The following AGBL4 variants were observed in gnomAD, a reference collection of about 807,000 sequenced individuals.
AGBL4 encodes cytosolic carboxypeptidase 6.
Under a neutral mutation model 66.4 loss-of-function variants are expected in AGBL4, and 58 were observed. The ratio of observed to expected loss-of-function variants is 0.87; its 90% CI spans 0.71 to 1.09. AGBL4 has a LOEUF of 1.09. AGBL4 is among the 50% of genes least tolerant of loss of function. The pLI is 0.00. For synonymous variants in AGBL4, 234 were observed against 222.9 expected (o/e 1.05, Z -0.44); for missense variants, 579 against 631.0 (o/e 0.92, Z 0.88).
chr1:48,575,268 T>C (rs1644633747), intron 11 of AGBL4, among the ~76,000 whole-genome samples: 2 of 152,110 alleles, frequency 1.3e-5, no homozygotes, highest in African/African-American at 4.8e-5. Flanking sequence ...TCTGACAAAC[T>C]GGATCTGGGC....
intron 3 of AGBL4, among the ~76,000 whole-genome samples, chr1:49,429,155 C>T (rs552930330): frequency 1.3e-5 from 2 of 152,180 alleles, no homozygotes; most frequent in Admixed American, 6.5e-5. Flanking sequence ...AGAGACCAAA[C>T]TGTTCCTTTA....
At chr1:48,881,371 T>G (rs1044848021) in intron 5 of AGBL4, among the ~76,000 whole-genome samples, 45 of 152,318 alleles carry the variant, frequency 3.0e-4, no homozygotes, top group Middle Eastern at 3.4e-3. Context: ...GTTAATTCAT[T>G]ATAGCTCACA....
chr1:49,696,269 T>C (rs1646982177), intron 3 of AGBL4, among the ~76,000 whole-genome samples: 1 of 152,144 alleles, frequency 6.6e-6, no homozygotes, highest in Admixed American at 6.6e-5. Flanking sequence ...TGAGTTTTAT[T>C]AATGTTTATT....
intron 4 of AGBL4, among the ~76,000 whole-genome samples, chr1:49,169,075 G>C (rs925883746): frequency 6.6e-6 from 1 of 152,092 alleles, no homozygotes; most frequent in African/African-American, 2.4e-5. Context: ...TCTCACTCTT[G>C]GTGCCCTGAG....
intron 4 of AGBL4, among the ~76,000 whole-genome samples, chr1:49,099,710 A>C (rs981936467): frequency 5.3e-5 from 8 of 152,144 alleles, no homozygotes; most frequent in African/African-American, 1.9e-4. Flanking sequence ...CTTCAGAGCA[A>C]AAGTGGGTCT....
At chr1:48,806,873 A>T (rs186623379) in intron 6 of AGBL4, among the ~76,000 whole-genome samples, 3 of 152,308 alleles carry the variant, frequency 2.0e-5, no homozygotes, top group African/African-American at 7.2e-5. Flanking sequence ...GAGGGTTACC[A>T]TATGAACTAT....
At chr1:48,610,651 A>G (rs1645223825) in intron 9 of AGBL4, among the ~76,000 whole-genome samples, 1 of 152,196 alleles carries the variant, frequency 6.6e-6, no homozygotes, top group Non-Finnish European at 1.5e-5. Context: ...GCACATTTAG[A>G]TGGAAAGGTC....
At chr1:48,701,935 G>T (rs927319294) in intron 6 of AGBL4, among the ~76,000 whole-genome samples, 1 of 152,130 alleles carries the variant, frequency 6.6e-6, no homozygotes, top group East Asian at 1.9e-4. Flanking sequence ...TATACTATTG[G>T]TATAGTAGCT....
At chr1:48,635,248 C>T (rs145494980) in intron 8 of AGBL4, among the ~76,000 whole-genome samples, 4 of 152,288 alleles carry the variant, frequency 2.6e-5, no homozygotes, top group African/African-American at 7.2e-5. Flanking sequence ...TGTTCTTTCC[C>T]TTCCTTAGCT....
chr1:49,003,532 T>C (rs1282859970), intron 5 of AGBL4, among the ~76,000 whole-genome samples: 1 of 152,228 alleles, frequency 6.6e-6, no homozygotes, highest in African/African-American at 2.4e-5. Context: ...TTTAGCATGG[T>C]ACTAGGAGCT....
chr1:49,873,119 C>A lies in AGBL4; in HGVS notation c.35-21601G>T, dbSNP rs543841920. Among the ~76,000 whole-genome samples the A allele has an allele frequency of 2.9e-4, 44 of 152,000 alleles. No individual in the cohort carries two copies. The South Asian group carries it at 5.8e-3, about 20-fold the overall frequency. ...TATATAAATCACTTTGACTTTCATACCTGCCTACTGATGTATGGACTTCAG... is the reference window on the plus strand; with the variant it reads ...TATATAAATCACTTTGACTTTCATAACTGCCTACTGATGTATGGACTTCAG... On this transcript the variant is annotated intron_variant, in intron 1 of 13. Transcript: ENST00000371839.
At chr1:49,631,345 G>T (rs1302285213) in intron 3 of AGBL4, among the ~76,000 whole-genome samples, 1 of 152,094 alleles carries the variant, frequency 6.6e-6, no homozygotes, top group Non-Finnish European at 1.5e-5. Context: ...TGTCTCACTG[G>T]ATCTCACACT....
At chr1:49,850,573 G>C (rs1646278560) in intron 2 of AGBL4, among the ~76,000 whole-genome samples, 1 of 151,988 alleles carries the variant, frequency 6.6e-6, no homozygotes, top group African/African-American at 2.4e-5. Context: ...CATAATCAAA[G>C]AGCAACACCC....
rs534581339 is a variant in AGBL4, at chr1:48,911,248, T to C, written c.595-44018A>G. Among the ~76,000 whole-genome samples the C allele has an allele frequency of 3.2e-4, 49 of 152,332 alleles. 1 individual carries two copies. In the South Asian group the frequency reaches 0.01, roughly 32 times the overall value. ...CATACTTCCTGCTTATGAGGAGTCC[T>C]AGCTCCTCCACTAGCTAGCAGGTGA... On this transcript the variant is annotated intron_variant, in intron 5 of 13. Transcript: ENST00000371839.
At chr1:48,644,851 A>G (rs116450591) in intron 8 of AGBL4, among the ~76,000 whole-genome samples, 1,888 of 152,280 alleles carry the variant, frequency 0.012, 47 homozygotes, top group African/African-American at 0.043. Flanking sequence ...GGCACTATTC[A>G]AGCAGTGGTT....
intron 4 of AGBL4, among the ~76,000 whole-genome samples, chr1:49,203,964 C>T (rs1410182639): frequency 6.6e-6 from 1 of 152,066 alleles, no homozygotes; most frequent in Non-Finnish European, 1.5e-5. Flanking sequence ...TTTTTTGAAA[C>T]ACTCACTATA....
intron 3 of AGBL4, among the ~76,000 whole-genome samples, chr1:49,251,070 C>T (rs907655672): frequency 6.6e-6 from 1 of 152,126 alleles, no homozygotes; most frequent in African/African-American, 2.4e-5. Flanking sequence ...TATGAACACC[C>T]TATTGTCTGC....
chr1:49,509,376 T>G (rs1192662889), intron 3 of AGBL4, among the ~76,000 whole-genome samples: 1 of 151,976 alleles, frequency 6.6e-6, no homozygotes, highest in Non-Finnish European at 1.5e-5. Flanking sequence ...TTTATTTACC[T>G]GTGGAGGTGT....
chr1:48,805,371 C>T (rs965261660), intron 6 of AGBL4, among the ~76,000 whole-genome samples: 4 of 152,100 alleles, frequency 2.6e-5, no homozygotes, highest in Admixed American at 1.3e-4. Flanking sequence ...TGTGCTCTTG[C>T]TTGATGTTGT....
Sources: gnomAD v4.1 joint callset for allele counts (sites outside exome capture counted in the v4.1 genomes callset) on GRCh38, gnomAD v4.1.1 for gene constraint, MANE v1.5 for transcripts, NCBI Gene and HGNC (gene_info 2026-07-23, HGNC 2026-07-21) for gene names.